LINGO2: variants seen among roughly 807,000 people sequenced by gnomAD.
LINGO2 encodes the protein leucine-rich repeat and immunoglobulin-like domain-containing nogo receptor-interacting protein 2.
Under a neutral mutation model 30.6 loss-of-function variants are expected in LINGO2, and 14 were observed. That is an observed-to-expected ratio of 0.46 (90% CI 0.30 to 0.72). The LOEUF is 0.72. LINGO2 is among the 30% of genes least tolerant of loss of function. LINGO2 has a pLI of 0.07. For missense variants in LINGO2, 729 were observed against 751.7 expected, an observed-to-expected ratio of 0.97 and a Z score of 0.35; for synonymous variants, 317 against 288.5, an observed-to-expected ratio of 1.10 and a Z score of -1.00.
At chr9:29,169,425 A>G in the LINGO2 span, among the ~76,000 whole-genome samples, 12 of 152,176 alleles carry the variant, frequency 7.9e-5, no homozygotes, top group Non-Finnish European at 1.5e-4. Context: ...AACTCAAACA[A>G]CTCAACAAGA....
the LINGO2 span, among the ~76,000 whole-genome samples, chr9:29,190,364 G>A: frequency 3.2e-4 from 49 of 152,086 alleles, no homozygotes; most frequent in African/African-American, 1.2e-3. Context: ...CCAAATTTGA[G>A]TAAGCTGACT....
At chr9:28,767,315 G>A in the LINGO2 span, among the ~76,000 whole-genome samples, 1 of 152,096 alleles carries the variant, frequency 6.6e-6, no homozygotes, top group Non-Finnish European at 1.5e-5. Context: ...ATTTTGCTAT[G>A]TATAAGAATA....
chr9:28,669,489 C>T (rs1828933640), intron 1 of LINGO2, among the ~76,000 whole-genome samples: 1 of 151,810 alleles, frequency 6.6e-6, no homozygotes, highest in Non-Finnish European at 1.5e-5. Context: ...TCTGTAATTT[C>T]AGATAGTAAA....
chr9:28,771,455 GTGTGTGTGTGTGT>G, the LINGO2 span, among the ~76,000 whole-genome samples: 23 of 67,666 alleles, frequency 3.4e-4, no homozygotes, highest in African/African-American at 4.7e-4. Context: ...CCTATTTGGT[GTGTGTGTGTGTGT>G]GTGTGTGTGT....
intron 4 of LINGO2, among the ~76,000 whole-genome samples, chr9:28,161,731 G>T (rs1587113985): frequency 2.0e-5 from 3 of 152,020 alleles, no homozygotes; most frequent in Admixed American, 2.0e-4. Context: ...TAGTATCTAT[G>T]ATCCAATCAG....
At chr9:28,496,842 A>G (rs917381616) in intron 1 of LINGO2, among the ~76,000 whole-genome samples, 8 of 152,136 alleles carry the variant, frequency 5.3e-5, no homozygotes, top group African/African-American at 1.9e-4. Flanking sequence ...GAGCTCTTGT[A>G]GGGCAGGCCT....
chr9:28,476,478 T>C (rs892417253), intron 1 of LINGO2, among the ~76,000 whole-genome samples: 1 of 152,084 alleles, frequency 6.6e-6, no homozygotes, highest in East Asian at 1.9e-4. Context: ...GGTTTCACCG[T>C]GTTAGCCAGG....
intron 4 of LINGO2, among the ~76,000 whole-genome samples, chr9:28,199,306 G>C (rs1286727794): frequency 6.7e-6 from 1 of 149,476 alleles, no homozygotes; most frequent in Non-Finnish European, 1.5e-5. Context: ...TCATAAAGTT[G>C]AAAGACTACG....
the LINGO2 span, among the ~76,000 whole-genome samples, chr9:29,144,501 A>G: frequency 6.6e-6 from 1 of 152,126 alleles, no homozygotes; most frequent in African/African-American, 2.4e-5. Flanking sequence ...GTGTAGTTTA[A>G]CTCACGGATA....
At chr9:29,081,476 T>C in the LINGO2 span, among the ~76,000 whole-genome samples, 1 of 152,106 alleles carries the variant, frequency 6.6e-6, no homozygotes, top group South Asian at 2.1e-4. Context: ...GCCAATATCA[T>C]ACTGAATGGG....
intron 1 of LINGO2, among the ~76,000 whole-genome samples, chr9:28,479,715 AAAC>A (rs893619812): frequency 1.3e-5 from 2 of 151,322 alleles, no homozygotes; most frequent in African/African-American, 2.4e-5. Context: ...CAAAATTTCC[AAAC>A]AACAATGTAT....
the LINGO2 span, among the ~76,000 whole-genome samples, chr9:28,754,733 C>A: frequency 2.0e-3 from 299 of 151,740 alleles, 1 homozygote; most frequent in Admixed American, 4.5e-3. Context: ...CAGGTTCACA[C>A]CATTCTCCTT....
intron 4 of LINGO2, among the ~76,000 whole-genome samples, chr9:28,043,902 T>C (rs1824303266): frequency 6.6e-6 from 1 of 152,232 alleles, no homozygotes; most frequent in Non-Finnish European, 1.5e-5. Context: ...CCTGACATTT[T>C]TACATTGTGT....
intron 5 of LINGO2, among the ~76,000 whole-genome samples, chr9:27,952,205 C>T (rs1489152014): frequency 6.6e-6 from 1 of 151,890 alleles, no homozygotes; most frequent in East Asian, 1.9e-4. Context: ...TCTACACAAA[C>T]CATTTAGAAA....
At chr9:28,504,008 G>A (rs1646297311) in intron 1 of LINGO2, among the ~76,000 whole-genome samples, 3 of 151,886 alleles carry the variant, frequency 2.0e-5, no homozygotes, top group African/African-American at 7.2e-5. Context: ...TGCCTATCAT[G>A]TGAAGAACAG....
At chr9:28,178,629 C>T (rs544087131) in intron 4 of LINGO2, among the ~76,000 whole-genome samples, 1 of 152,238 alleles carries the variant, frequency 6.6e-6, no homozygotes, top group African/African-American at 2.4e-5. Context: ...TCTCCATCTT[C>T]AGAAGTTAAA....
chr9:29,091,118 T>C, the LINGO2 span, among the ~76,000 whole-genome samples: 1 of 152,102 alleles, frequency 6.6e-6, no homozygotes, highest in Non-Finnish European at 1.5e-5. Context: ...ATGATATTGG[T>C]TGAAATTTAG....
chr9:28,265,890 TCATAAA>T (rs1822731468), intron 4 of LINGO2, among the ~76,000 whole-genome samples: 1 of 151,934 alleles, frequency 6.6e-6, no homozygotes, highest in Non-Finnish European at 1.5e-5. Context: ...GTTTAAAGGC[TCATAAA>T]CATAAACATG....
the LINGO2 span, among the ~76,000 whole-genome samples, chr9:28,783,299 C>T: frequency 6.6e-6 from 1 of 152,218 alleles, no homozygotes; most frequent in East Asian, 1.9e-4. Context: ...TATATATAAC[C>T]TGTGCAAATC....
Sources: allele counts gnomAD v4.1 joint callset (sites outside exome capture counted in the v4.1 genomes callset), GRCh38; gene constraint gnomAD v4.1.1; transcripts MANE v1.5; gene names NCBI Gene and HGNC (gene_info 2026-07-23, HGNC 2026-07-21).